Variants in MTHFD2 observed in about 807,000 individuals in gnomAD.
The protein encoded by MTHFD2 is methylenetetrahydrofolate dehydrogenase (NADP+ dependent) 2, methenyltetrahydrofolate cyclohydrolase.
MTHFD2 carries 26 observed loss-of-function variants against 36.8 expected under a neutral mutation model. The ratio of observed to expected loss-of-function variants is 0.71; its 90% CI spans 0.52 to 0.98. MTHFD2 has a LOEUF of 0.98. MTHFD2 is among the 50% of genes least tolerant of loss of function. MTHFD2 has a pLI of 0.00. For synonymous variants in MTHFD2, 164 were observed against 155.2 expected, an observed-to-expected ratio of 1.06 and a Z score of -0.42; for missense variants, 373 against 434.0, an observed-to-expected ratio of 0.86 and a Z score of 1.25.
intron 4 of MTHFD2, 99 bp downstream of exon 4, chr2:74,208,820 T>A: frequency 1.6e-6 from 2 of 1,245,648 alleles, no homozygotes; most frequent in Non-Finnish European, 2.3e-6. Flanking sequence ...GAAACCCTAC[T>A]GCATATCCTC....
At chr2:74,209,493 C>T (rs1263590906) in intron 4 of MTHFD2, among the ~76,000 whole-genome samples, 1 of 152,010 alleles carries the variant, frequency 6.6e-6, no homozygotes, top group African/African-American at 2.4e-5. Flanking sequence ...CCTTGTGATC[C>T]ACCTGCCTTG....
rs373668292 is a variant in MTHFD2 at position 74,211,274 on chromosome 2, T to G, written c.746T>G (p.Ile249Ser). 6.2e-7 allele frequency: 1 copy of G among 1,602,604 alleles called. No individual in the cohort carries two copies. Among genetic ancestry groups the G allele is most frequent in the East Asian group, 2.2e-5 (1 of 44,724 alleles). Residue 249 changes from isoleucine to serine, a missense_variant, in exon 6 of 8, where the codon ATT becomes AGT. Ile to Ser is a moderately radical substitution (Grantham distance 142). Around this residue, in one of 2 missense-constraint regions of MTHFD2, gnomAD observed 308 missense variants for 397.8 expected, o/e 0.77. Transcript: ENST00000394053. ...AAGAAACATACAATTCTTGCAGATA[T>G]TGTAATATCTGCTGCAGGTAAGAAC... is the stretch of plus-strand genomic sequence containing the variant. ...QLKKHTILAD[I>S]VISAAGIPNL... is the part of the protein sequence containing the mutation.
chr2:74,212,658 G>A (rs1694334422), intron 7 of MTHFD2, among the ~76,000 whole-genome samples: 1 of 152,160 alleles, frequency 6.6e-6, no homozygotes, highest in Admixed American at 6.5e-5. Context: ...GTGATGGAGA[G>A]CAGTTATAAA....
At position 74,208,659 on chromosome 2, in the gene MTHFD2, T is replaced by C. The variant is rs1409252020; in HGVS notation, c.500T>C (p.Leu167Ser). The C allele has an allele frequency of 6.2e-7, 1 of 1,614,204 alleles. No homozygotes were observed. Among genetic ancestry groups the C allele is most frequent in the Non-Finnish European group, 8.5e-7 (1 of 1,180,030 alleles). ...GTAATTAATGTAGGACGAATGTGTTTGGATCAGTATTCCATGTTACCGGCT... is the reference window on the plus strand; with the variant it reads ...GTAATTAATGTAGGACGAATGTGTTCGGATCAGTATTCCATGTTACCGGCT... ...FHVINVGRMC[L>S]DQYSMLPATP... The change falls in exon 4 of 8, where the codon TTG (leucine) becomes TCG (serine). Residue 167 changes from leucine to serine, a missense_variant. Physicochemically the swap from Leu to Ser is moderately radical, Grantham distance 145 (BLOSUM62 -2). Coordinates refer to ENST00000394053, the MANE Select transcript of MTHFD2 (RefSeq NM_006636.4).
Position 74,214,346 on chromosome 2 carries a change from A to T in MTHFD2, c.*104A>T. On this transcript the variant is annotated 3_prime_UTR_variant, in exon 8 of 8. Transcript: ENST00000394053. ...TTAATTTATTCTACTGAAATGGTTTAAAATGATGCCTTGTATTTATTGAAA... is the reference window on the plus strand; with the variant it reads ...TTAATTTATTCTACTGAAATGGTTTTAAATGATGCCTTGTATTTATTGAAA... 7.6e-7 allele frequency: 1 copy of T among 1,318,828 alleles called. No homozygotes were observed. Among genetic ancestry groups the T allele is most frequent in the South Asian group, 1.4e-5 (1 of 70,536 alleles). The allele number at this position is 1,318,828 out of a possible 1,614,324, so 81.7% of individuals were successfully genotyped here.
chr2:74,205,640 G>T, intron 1 of MTHFD2, 65 bp from the exon 2 acceptor site: 1 of 1,534,686 alleles, frequency 6.5e-7, no homozygotes, highest in Non-Finnish European at 8.8e-7. Context: ...CACTACACCT[G>T]GCAGAGTTTT....
rs2103848734 is a variant in MTHFD2 at position 74,216,356 on chromosome 2, T to C, written c.*2114T>C. On this transcript the variant is annotated 3_prime_UTR_variant, in exon 8 of 8. Coordinates refer to ENST00000394053, the MANE Select transcript of MTHFD2 (RefSeq NM_006636.4). ...TTAAAAGCTATGGAAATTAAAATGT[T>C]CATGTATATACAAAATATAAATGAC... The C allele has an allele frequency of 6.6e-6, 1 of 152,332 alleles. No homozygotes were observed. Among genetic ancestry groups the C allele is most frequent in the South Asian group, 2.1e-4 (1 of 4,830 alleles). The allele number at this position is 152,332 out of a possible 1,614,324, so 9.4% of individuals were successfully genotyped here. A position where few individuals can be genotyped will look rare whatever the true frequency, so the allele number is the denominator to read the frequency against.
intron 7 of MTHFD2, among the ~76,000 whole-genome samples, chr2:74,212,356 C>A (rs899857651): frequency 6.7e-6 from 1 of 148,254 alleles, no homozygotes; most frequent in Non-Finnish European, 1.5e-5. Context: ...GCCTCCACCT[C>A]ACAGCTTCAA....
At chr2:74,208,867 T>G in intron 4 of MTHFD2, 146 bp downstream of exon 4, 1 of 834,522 alleles carries the variant, frequency 1.2e-6, no homozygotes, top group East Asian at 2.8e-5. Context: ...TCTTAACAGT[T>G]TTTTTTTTGT....
chr2:74,205,162 G>T (rs893424605), intron 1 of MTHFD2, among the ~76,000 whole-genome samples: 2 of 152,026 alleles, frequency 1.3e-5, no homozygotes, highest in African/African-American at 4.8e-5. Context: ...ATAATTTATC[G>T]ATTTAAACCA....
In MTHFD2 at chr2:74,205,828, T is replaced by G; in HGVS notation, c.225T>G (p.Val75=). Residue 75 remains valine (V), a synonymous_variant, in exon 2 of 8, where the codon GTT becomes GTG. Coordinates refer to ENST00000394053, the MANE Select transcript of MTHFD2 (RefSeq NM_006636.4). ...NKRPHLSVIL[V]GENPASHSYV... ...GGCCACACCTGAGTGTGATCCTGGT[T>G]GGCGAGAATCCTGCAAGTCACTCCT... 1.2e-6 allele frequency: 2 copies of G among 1,613,894 alleles called. No individual in the cohort carries two copies. The highest frequency in any genetic ancestry group is 3.3e-5 in the Admixed American group (2 of 59,980).
chr2:74,214,009 A>G lies in MTHFD2; in HGVS notation c.890-70A>G, dbSNP rs967912186. 7.4e-6 allele frequency: 11 copies of G among 1,484,980 alleles called. No individual in the cohort carries two copies. The African/African-American group carries it at 1.3e-4, about 17-fold the overall frequency. The allele number at this position is 1,484,980 out of a possible 1,614,324, so 92.0% of individuals were successfully genotyped here. ...TACTTTTTCCTTGCATGCTTGTTTA[A>G]TAATATATTAAAGTACACACATGTC... is the stretch of plus-strand genomic sequence containing the variant. On this transcript the variant is annotated intron_variant, in intron 7 of 7. Transcript: ENST00000394053.
In MTHFD2 at chr2:74,214,025, C is replaced by T. The variant is rs892971428; in HGVS notation, c.890-54C>T. 58 of 1,547,808 alleles carry T rather than the reference C, an allele frequency of 3.7e-5. No individual in the cohort carries two copies. The Admixed American group carries it at 9.9e-4, about 26-fold the overall frequency. On this transcript the variant is annotated intron_variant, in intron 7 of 7. Transcript: ENST00000394053. ...GCTTGTTTAATAATATATTAAAGTA[C>T]ACACATGTCCTTTGCCATAACTAAA...
chr2:74,209,817 T>G, intron 4 of MTHFD2, 125 bp from the exon 5 acceptor site: 1 of 614,036 alleles, frequency 1.6e-6, no homozygotes, highest in Non-Finnish European at 2.8e-6. Flanking sequence ...TAGCCCTTAT[T>G]ATGTGTAGCA....
intron 1 of MTHFD2, among the ~76,000 whole-genome samples, chr2:74,201,334 A>C (rs1694038065): frequency 6.7e-6 from 1 of 150,206 alleles, no homozygotes. Flanking sequence ...TTGATTACCT[A>C]TCTTAATGGG....
chr2:74,211,530 G>A (rs1266416250), intron 6 of MTHFD2: 1 of 490,244 alleles, frequency 2.0e-6, no homozygotes, highest in Non-Finnish European at 3.4e-6. Flanking sequence ...AATATTTACT[G>A]TATAAAGTTT....
rs1156948632 is a variant in MTHFD2, at chr2:74,205,745, C to G, written c.142C>G (p.Gln48Glu). Residue 48 changes from glutamine (Q) to glutamate (E), a missense_variant, in exon 2 of 8, where the codon CAG (glutamine) becomes GAG (glutamate). Around this residue, in one of 2 missense-constraint regions of MTHFD2, gnomAD observed 308 missense variants for 397.8 expected, o/e 0.77. Coordinates refer to ENST00000394053, the MANE Select transcript of MTHFD2 (RefSeq NM_006636.4). ...VVISGRKLAQ[Q>E]IKQEVRQEVE... The stretch of plus-strand genomic sequence containing the variant: ...CATTTCTGGAAGGAAACTGGCCCAG[C>G]AGATCAAGCAGGAAGTGCGGCAGGA... 1.9e-6 allele frequency: 3 copies of G among 1,613,700 alleles called. No individual in the cohort carries two copies. Among genetic ancestry groups the G allele is most frequent in the Admixed American group, 1.7e-5 (1 of 59,934 alleles).
chr2:74,199,707 CAAAAAA>C (rs34436782), intron 1 of MTHFD2, among the ~76,000 whole-genome samples: 2 of 103,622 alleles, frequency 1.9e-5, no homozygotes, highest in Non-Finnish European at 2.0e-5. Context: ...GACCCTGTCT[CAAAAAA>C]AAAAAAAAAA....
Position 74,211,870 on chromosome 2 carries a change from AATGGTGAAATTTT to A in MTHFD2, c.889+7_889+19del. On this transcript the variant is annotated splice_donor_5th_base_variant and intron_variant, in intron 7 of 7. Transcript: ENST00000394053. Reference sequence around the variant, plus strand: ...GTTGGAGATGTGGATTTTGAAGGTAAATGGTGAAATTTTATTTTTAAAAATGAAATCAATAAAT... The same window carrying A: ...GTTGGAGATGTGGATTTTGAAGGTAAATTTTTAAAAATGAAATCAATAAAT... The A allele has an allele frequency of 6.2e-7, 1 of 1,607,534 alleles. No individual in the cohort carries two copies. The highest frequency in any genetic ancestry group is 2.2e-5 in the East Asian group (1 of 44,686).
Sources: gnomAD v4.1 joint callset for allele counts (sites outside exome capture counted in the v4.1 genomes callset) on GRCh38, gnomAD v4.1.1 for gene constraint, gnomAD v4.1.1 regional missense constraint, MANE v1.5 for transcripts, NCBI Gene and HGNC (gene_info 2026-07-23, HGNC 2026-07-21) for gene names.